Variants in SLC24A2 observed in about 807,000 individuals in gnomAD.
SLC24A2 encodes sodium/potassium/calcium exchanger 2.
Under a neutral mutation model 62.0 loss-of-function variants are expected in SLC24A2, and 36 were observed. That is an observed-to-expected ratio of 0.58 (90% CI 0.44 to 0.77). The LOEUF is 0.77. SLC24A2 is among the 30% of genes least tolerant of loss of function. The pLI is 0.00. For synonymous variants in SLC24A2, 358 were observed against 294.0 expected, an observed-to-expected ratio of 1.22 and a Z score of -2.23; for missense variants, 846 against 817.9, an observed-to-expected ratio of 1.03 and a Z score of -0.42.
At chr9:19,953,482 C>G in the SLC24A2 span, among the ~76,000 whole-genome samples, 1 of 151,892 alleles carries the variant, frequency 6.6e-6, no homozygotes, top group Non-Finnish European at 1.5e-5. Flanking sequence ...TACCAAATGG[C>G]AGGAAAGATT....
At chr9:19,961,140 G>A in the SLC24A2 span, among the ~76,000 whole-genome samples, 5 of 138,484 alleles carry the variant, frequency 3.6e-5, no homozygotes, top group African/African-American at 1.3e-4. Flanking sequence ...AGAAGAAAGG[G>A]GAGAGAGAGA....
intron 5 of SLC24A2, among the ~76,000 whole-genome samples, chr9:19,591,236 T>C (rs1836539928): frequency 6.6e-6 from 1 of 152,148 alleles, no homozygotes. Flanking sequence ...CCCACCACTT[T>C]CTCAACATCT....
chr9:19,947,848 G>GAAAT, the SLC24A2 span, among the ~76,000 whole-genome samples: 51 of 145,398 alleles, frequency 3.5e-4, no homozygotes, highest in African/African-American at 8.1e-4. Flanking sequence ...AAGAAAGAAA[G>GAAAT]AAATTAGTTC....
At chr9:20,122,415 G>A in the SLC24A2 span, among the ~76,000 whole-genome samples, 798 of 152,278 alleles carry the variant, frequency 5.2e-3, 7 homozygotes, top group Middle Eastern at 0.017. Context: ...GGCAGGGCAC[G>A]GTGGCTCACG....
At chr9:19,888,937 C>G in the SLC24A2 span, among the ~76,000 whole-genome samples, 1 of 152,208 alleles carries the variant, frequency 6.6e-6, no homozygotes, top group South Asian at 2.1e-4. Flanking sequence ...CCCTGTGACA[C>G]AGGTATCCTG....
the SLC24A2 span, among the ~76,000 whole-genome samples, chr9:19,917,979 T>C: frequency 6.6e-6 from 1 of 152,186 alleles, no homozygotes; most frequent in Non-Finnish European, 1.5e-5. Flanking sequence ...TAACTATCTA[T>C]TGGCTTAAGA....
chr9:19,580,275 C>A (rs141637252), intron 5 of SLC24A2, among the ~76,000 whole-genome samples: 1 of 152,188 alleles, frequency 6.6e-6, no homozygotes, highest in Non-Finnish European at 1.5e-5. Flanking sequence ...ACAATGGCTG[C>A]GCCATAGGCT....
chr9:20,198,701 C>G, the SLC24A2 span, among the ~76,000 whole-genome samples: 4 of 151,888 alleles, frequency 2.6e-5, no homozygotes, highest in Non-Finnish European at 5.9e-5. Flanking sequence ...CCACCCCCTT[C>G]TCTCTCCCCA....
chr9:19,746,291 T>TG (rs1452429816), intron 2 of SLC24A2, among the ~76,000 whole-genome samples: 3 of 152,160 alleles, frequency 2.0e-5, no homozygotes, highest in Admixed American at 2.0e-4. Flanking sequence ...ATCAGAGCTC[T>TG]ACGTAACTCC....
chr9:19,634,153 C>T (rs34583745), intron 2 of SLC24A2, among the ~76,000 whole-genome samples: 25,381 of 151,852 alleles, frequency 0.17, 2,410 homozygotes, highest in Non-Finnish European at 0.22. Context: ...TCAATGGATG[C>T]AAATATACCC....
At chr9:19,592,511 TAC>T (rs1563986544) in intron 5 of SLC24A2, among the ~76,000 whole-genome samples, 5 of 150,424 alleles carry the variant, frequency 3.3e-5, no homozygotes, top group Admixed American at 6.6e-5. Context: ...CCTACCTACC[TAC>T]CTACCTACCT....
intron 7 of SLC24A2, among the ~76,000 whole-genome samples, chr9:19,552,281 C>A (rs1203617586): frequency 1.3e-5 from 2 of 152,222 alleles, no homozygotes; most frequent in East Asian, 3.9e-4. Context: ...CCCTATTGGG[C>A]TCACCAGCCT....
chr9:19,620,982 G>A (rs917799719), intron 3 of SLC24A2, among the ~76,000 whole-genome samples: 6 of 152,010 alleles, frequency 3.9e-5, no homozygotes, highest in African/African-American at 1.2e-4. Flanking sequence ...ATACATATTG[G>A]ATATATATTG....
At chr9:19,739,397 TGAA>T (rs564646959) in intron 2 of SLC24A2, among the ~76,000 whole-genome samples, 64 of 152,280 alleles carry the variant, frequency 4.2e-4, no homozygotes, top group Admixed American at 1.5e-3. Flanking sequence ...AAGAAAGTTC[TGAA>T]GAAGAACAGA....
the SLC24A2 span, among the ~76,000 whole-genome samples, chr9:20,189,066 C>CT: frequency 1.6e-5 from 2 of 122,888 alleles, no homozygotes; most frequent in East Asian, 2.8e-4. Flanking sequence ...GGTGGCTTTT[C>CT]TTTTTTTTTC....
At chr9:19,592,184 T>C (rs1431637522) in intron 5 of SLC24A2, among the ~76,000 whole-genome samples, 1 of 152,246 alleles carries the variant, frequency 6.6e-6, no homozygotes, top group Admixed American at 6.5e-5. Context: ...CCATGATTCA[T>C]GTAAGACATT....
chr9:19,524,600 A>G (rs1234314003), intron 9 of SLC24A2, among the ~76,000 whole-genome samples: 2 of 152,214 alleles, frequency 1.3e-5, no homozygotes, highest in South Asian at 2.1e-4. Flanking sequence ...AAACAACAGA[A>G]TTAGAGCTAG....
At chr9:19,837,315 G>A in the SLC24A2 span, among the ~76,000 whole-genome samples, 10 of 151,006 alleles carry the variant, frequency 6.6e-5, no homozygotes, top group Admixed American at 2.6e-4. Context: ...AGCCGGGTGC[G>A]GTGGCGGGCG....
At chr9:19,629,284 A>G (rs751032287) in intron 2 of SLC24A2, among the ~76,000 whole-genome samples, 5 of 152,226 alleles carry the variant, frequency 3.3e-5, no homozygotes, top group Non-Finnish European at 7.3e-5. Context: ...GGCTGCAGAC[A>G]ATACAACTTC....
Sources: gnomAD v4.1 joint callset for allele counts (sites outside exome capture counted in the v4.1 genomes callset) on GRCh38, gnomAD v4.1.1 for gene constraint, MANE v1.5 for transcripts, NCBI Gene and HGNC (gene_info 2026-07-23, HGNC 2026-07-21) for gene names.